Variants in CENPL observed in about 807,000 individuals in gnomAD.
CENPL encodes interphase centromere complex protein 33.
In CENPL, 20 loss-of-function variants were observed where a neutral mutation model predicts 35.2. That is an observed-to-expected ratio of 0.57 (90% confidence interval 0.40 to 0.83). The LOEUF (loss-of-function observed/expected upper bound fraction) is 0.83. Ranked by LOEUF, CENPL falls within the 40% of genes least tolerant of loss-of-function variation. CENPL has a pLI of 0.00. For missense variants in CENPL, 363 were observed against 395.8 expected (o/e 0.92, Z 0.70); for synonymous variants, 140 against 140.6 (o/e 1.00, Z 0.03).
intron 5 of CENPL, among the ~76,000 whole-genome samples, chr1:173,802,599 A>C (rs1272659482): frequency 1.3e-5 from 2 of 152,260 alleles, no homozygotes; most frequent in Admixed American, 6.5e-5. Flanking sequence ...AGCCTGGAAC[A>C]TAAAGATGAC....
Position 173,824,339 on chromosome 1 carries a change from C to T in CENPL, c.-229G>A, listed in dbSNP as rs957973413. ...TCAGAGACCAGCCCAGCTCTGAAAT[C>T]AAGCCGTTGAGAAAAGGGAATTCGG... On this transcript the variant is annotated 5_prime_UTR_variant, in exon 1 of 6. Transcript: ENST00000682279. 2 of 152,466 alleles carry T rather than the reference C, an allele frequency of 1.3e-5. No homozygotes were observed. Among genetic ancestry groups the T allele is most frequent in the East Asian group, 1.9e-4 (1 of 5,186 alleles). 9.4% of individuals were successfully genotyped at this position (152,466 alleles called of 1,614,324 possible). A position where few individuals can be genotyped will look rare whatever the true frequency, so the allele number is the denominator to read the frequency against.
At chr1:173,814,300 C>T (rs1266529241) in intron 2 of CENPL, among the ~76,000 whole-genome samples, 1 of 152,046 alleles carries the variant, frequency 6.6e-6, no homozygotes, top group Non-Finnish European at 1.5e-5. Flanking sequence ...CAAGGATATC[C>T]AGGACTTAAA....
intron 2 of CENPL, 125 bp from the exon 3 acceptor site, chr1:173,811,431 G>A: frequency 1.5e-6 from 1 of 650,774 alleles, no homozygotes; most frequent in Non-Finnish European, 2.5e-6. Context: ...CCTATCCCCA[G>A]TTTTGACTTT....
At chr1:173,822,409 T>C (rs1394232759) in intron 2 of CENPL, 1 of 152,100 alleles carries the variant, frequency 6.6e-6, no homozygotes, top group Non-Finnish European at 1.5e-5. Flanking sequence ...CAATAGTAGG[T>C]GGCCCCAGAT....
At chr1:173,807,665 G>A (rs1342747924) in intron 3 of CENPL, 147 bp from the exon 4 acceptor site, 3 of 603,316 alleles carry the variant, frequency 5.0e-6, no homozygotes, top group African/African-American at 1.8e-5. Flanking sequence ...ACTTTTTGCA[G>A]ATCCTTGAAC....
At chr1:173,810,109 C>T (rs989089815) in intron 3 of CENPL, among the ~76,000 whole-genome samples, 3 of 152,172 alleles carry the variant, frequency 2.0e-5, no homozygotes, top group African/African-American at 7.2e-5. Flanking sequence ...TGGAATCAAC[C>T]TAAATGCCCA....
chr1:173,817,433 T>C (rs910759245), intron 2 of CENPL, among the ~76,000 whole-genome samples: 2 of 152,284 alleles, frequency 1.3e-5, no homozygotes, highest in East Asian at 3.9e-4. Flanking sequence ...ATCAGAGAAA[T>C]GCAAATCAAA....
chr1:173,802,033 AC>A (rs1649798376), intron 5 of CENPL, among the ~76,000 whole-genome samples: 1 of 151,480 alleles, frequency 6.6e-6, no homozygotes, highest in African/African-American at 2.4e-5. Flanking sequence ...AAAAAAAAAA[AC>A]AAAAAGCACA....
At chr1:173,819,841 G>A (rs948263621) in intron 2 of CENPL, among the ~76,000 whole-genome samples, 28 of 150,502 alleles carry the variant, frequency 1.9e-4, no homozygotes, top group South Asian at 4.2e-4. Flanking sequence ...ACAGCTGCCC[G>A]CTACCATGCC....
intron 3 of CENPL, 49 bp downstream of exon 3, chr1:173,811,081 TCA>T: frequency 6.5e-7 from 1 of 1,527,066 alleles, no homozygotes; most frequent in East Asian, 2.3e-5. Context: ...AATGTTTTGT[TCA>T]CAGATATTCT....
At chr1:173,818,089 C>T (rs1651591892) in intron 2 of CENPL, among the ~76,000 whole-genome samples, 1 of 151,968 alleles carries the variant, frequency 6.6e-6, no homozygotes, top group South Asian at 2.1e-4. Flanking sequence ...ACCAACATGG[C>T]ACATGTATAC....
In CENPL at chr1:173,824,302, CA is replaced by C. The variant is rs1000208924; in HGVS notation, c.-193del. The C allele has an allele frequency of 1.3e-5, 2 of 152,294 alleles. No individual in the cohort carries two copies. Among genetic ancestry groups the C allele is most frequent in the Admixed American group, 6.5e-5 (1 of 15,288 alleles). 9.4% of individuals were successfully genotyped at this position (152,294 alleles called of 1,614,324 possible). On this transcript the variant is annotated 5_prime_UTR_variant, in exon 1 of 6. It introduces an in-frame stop codon into an upstream open reading frame of the 5' UTR. Coordinates refer to ENST00000682279, the MANE Select transcript of CENPL (RefSeq NM_001387287.1). ...CAGTGCGTCCCAACCCGTCCCTCTC[CA>C]GCTGAGCCTGTCAGAGACCAGCCCA...
At chr1:173,808,217 C>A (rs1650424433) in intron 3 of CENPL, among the ~76,000 whole-genome samples, 1 of 151,848 alleles carries the variant, frequency 6.6e-6, no homozygotes, top group South Asian at 2.1e-4. Flanking sequence ...ACCAGCCTAG[C>A]CAACATGGTA....
chr1:173,818,474 T>C (rs1169425511), intron 2 of CENPL, among the ~76,000 whole-genome samples: 1 of 152,188 alleles, frequency 6.6e-6, no homozygotes, highest in African/African-American at 2.4e-5. Flanking sequence ...CCTTTTCCCA[T>C]CTCACCTCCT....
intron 4 of CENPL, among the ~76,000 whole-genome samples, chr1:173,806,126 A>C (rs1650203867): frequency 6.6e-6 from 1 of 152,264 alleles, no homozygotes; most frequent in South Asian, 2.1e-4. Flanking sequence ...TATTTACAAA[A>C]ACAAGCAGCA....
chr1:173,812,608 A>C (rs1054081036), intron 2 of CENPL, among the ~76,000 whole-genome samples: 12 of 152,226 alleles, frequency 7.9e-5, no homozygotes, highest in African/African-American at 2.9e-4. Context: ...GAAAACTAAC[A>C]AACAGAAAGG....
chr1:173,814,649 C>T (rs111736191), intron 2 of CENPL, among the ~76,000 whole-genome samples: 1,896 of 152,232 alleles, frequency 0.012, 39 homozygotes, highest in African/African-American at 0.041. Flanking sequence ...AACAAAGACA[C>T]AATGTACCAG....
At chr1:173,815,053 A>C (rs113693337) in intron 2 of CENPL, among the ~76,000 whole-genome samples, 1,887 of 152,322 alleles carry the variant, frequency 0.012, 36 homozygotes, top group African/African-American at 0.041. Context: ...GAATACTATA[A>C]ACACCTCTAT....
chr1:173,810,504 T>C (rs1347705776), intron 3 of CENPL, among the ~76,000 whole-genome samples: 1 of 151,842 alleles, frequency 6.6e-6, no homozygotes, highest in Non-Finnish European at 1.5e-5. Flanking sequence ...CCTGCACATA[T>C]ACCCCTTAAC....
Sources: gnomAD v4.1 joint callset for allele counts (sites outside exome capture counted in the v4.1 genomes callset) on GRCh38, gnomAD v4.1.1 for gene constraint, MANE v1.5 for transcripts, NCBI Gene and HGNC (gene_info 2026-07-23, HGNC 2026-07-21) for gene names.